AUTS2: variants seen among roughly 807,000 people sequenced by gnomAD.
AUTS2 encodes autism susceptibility gene 2 protein.
AUTS2 carries 17 observed loss-of-function variants against 112.4 expected under a neutral mutation model. The observed-to-expected ratio is 0.15, with a 90% CI of 0.10 to 0.23. AUTS2 has a LOEUF of 0.23. Among genes scored for constraint, AUTS2 ranks in the 10% least tolerant of loss-of-function variants. The probability of loss-of-function intolerance (pLI) is 1.00; values close to 1 mark genes in which losing one functional copy is unlikely to be tolerated. For missense variants in AUTS2, 1,510 were observed against 1,701.6 expected (o/e 0.89, Z 1.98); for synonymous variants, 751 against 702.7 (o/e 1.07, Z -1.09).
At chr7:70,273,801 A>G (rs577370249) in intron 4 of AUTS2, among the ~76,000 whole-genome samples, 1 of 152,190 alleles carries the variant, frequency 6.6e-6, no homozygotes, top group Non-Finnish European at 1.5e-5. Context: ...TTAAATCTGC[A>G]TTTGGTTGAA....
chr7:69,942,822 G>A (rs1796677362), intron 2 of AUTS2, among the ~76,000 whole-genome samples: 1 of 152,218 alleles, frequency 6.6e-6, no homozygotes, highest in South Asian at 2.1e-4. Context: ...TCAGTCAGCT[G>A]GAGCTGTGAA....
intron 18 of AUTS2, 32 bp from the exon 19 acceptor site, chr7:70,789,716 T>C (rs1791751351): frequency 1.9e-6 from 3 of 1,592,860 alleles, no homozygotes; most frequent in South Asian, 2.3e-5. Flanking sequence ...TTTCATTTCA[T>C]CTGCGTCCTT....
At chr7:69,969,494 C>T (rs959799932) in intron 2 of AUTS2, among the ~76,000 whole-genome samples, 1 of 152,140 alleles carries the variant, frequency 6.6e-6, no homozygotes, top group African/African-American at 2.4e-5. Context: ...TTATGGTGCT[C>T]AAGATCTCAG....
At chr7:70,280,479 G>A (rs1263412438) in intron 4 of AUTS2, among the ~76,000 whole-genome samples, 5 of 135,238 alleles carry the variant, frequency 3.7e-5, no homozygotes, top group Non-Finnish European at 7.9e-5. Context: ...TGTATTTTTA[G>A]CAGAGACAGG....
At chr7:70,618,304 C>G (rs1205883708) in intron 5 of AUTS2, among the ~76,000 whole-genome samples, 1 of 152,122 alleles carries the variant, frequency 6.6e-6, no homozygotes, top group African/African-American at 2.4e-5. Flanking sequence ...GAGGCCGGAC[C>G]CTCTCAGCTC....
intron 2 of AUTS2, among the ~76,000 whole-genome samples, chr7:69,993,893 G>C (rs988324864): frequency 2.6e-5 from 4 of 152,156 alleles, no homozygotes; most frequent in Non-Finnish European, 5.9e-5. Context: ...CCCTGGCAGA[G>C]TAAAAAGATA....
At chr7:70,773,488 A>G (rs1205115833) in intron 11 of AUTS2, among the ~76,000 whole-genome samples, 1 of 152,222 alleles carries the variant, frequency 6.6e-6, no homozygotes, top group South Asian at 2.1e-4. Flanking sequence ...AGGTCCCTAA[A>G]TTAGGTTCTC....
At chr7:70,439,494 G>A (rs1044584519) in intron 5 of AUTS2, among the ~76,000 whole-genome samples, 7 of 141,692 alleles carry the variant, frequency 4.9e-5, no homozygotes, top group African/African-American at 1.3e-4. Flanking sequence ...AGCCGAGATC[G>A]CACCATTGCA....
intron 6 of AUTS2, chr7:70,699,401 A>T (rs1415570200): frequency 1.3e-5 from 2 of 152,178 alleles, no homozygotes; most frequent in East Asian, 3.9e-4. Flanking sequence ...GCTTTCTGTG[A>T]TAATCTCTTT....
At chr7:69,703,118 G>T (rs1797892578) in intron 1 of AUTS2, among the ~76,000 whole-genome samples, 1 of 151,754 alleles carries the variant, frequency 6.6e-6, no homozygotes, top group Admixed American at 6.6e-5. Flanking sequence ...GAGGCACAGA[G>T]AATGCCTGTG....
chr7:70,726,412 A>G (rs1563154999), intron 6 of AUTS2, among the ~76,000 whole-genome samples: 1 of 152,342 alleles, frequency 6.6e-6, no homozygotes, highest in East Asian at 1.9e-4. Context: ...CTGTATGGAA[A>G]TATACTAAAC....
rs550312750 is a variant in AUTS2 at position 69,740,768 on chromosome 7, C to T, written c.309+140806C>T. Among the ~76,000 whole-genome samples the T allele has an allele frequency of 7.2e-5, 11 of 152,084 alleles. No homozygotes were observed. In the South Asian group the frequency reaches 1.5e-3, roughly 20 times the overall value. ...AACCCCTGACCTTAGGTAATCTGCC[C>T]GCCTCGGCCTCCCAAGGTGCTGGGA... On this transcript the variant is annotated intron_variant, in intron 1 of 18. Coordinates refer to ENST00000342771, the MANE Select transcript of AUTS2 (RefSeq NM_015570.4).
At chr7:70,612,028 G>A (rs1804119243) in intron 5 of AUTS2, among the ~76,000 whole-genome samples, 1 of 152,134 alleles carries the variant, frequency 6.6e-6, no homozygotes, top group South Asian at 2.1e-4. Flanking sequence ...TGTGTATAAT[G>A]TATACACAAA....
chr7:69,989,848 C>T (rs140441904), intron 2 of AUTS2, among the ~76,000 whole-genome samples: 14 of 152,194 alleles, frequency 9.2e-5, no homozygotes, highest in African/African-American at 2.2e-4. Context: ...GTCAGATCAG[C>T]GGCGGCATTA....
chr7:69,629,538 A>G (rs983595050), intron 1 of AUTS2, among the ~76,000 whole-genome samples: 2 of 152,206 alleles, frequency 1.3e-5, no homozygotes, highest in Non-Finnish European at 2.9e-5. Flanking sequence ...TAAGGAAGAC[A>G]TTTTAATGAG....
At chr7:70,180,836 G>A (rs1345456922) in intron 4 of AUTS2, among the ~76,000 whole-genome samples, 1 of 151,872 alleles carries the variant, frequency 6.6e-6, no homozygotes, top group Non-Finnish European at 1.5e-5. Flanking sequence ...CTTTAAATAT[G>A]GCTAGGCTCC....
At chr7:70,073,278 A>AG (rs1387269321) in intron 2 of AUTS2, among the ~76,000 whole-genome samples, 2 of 151,780 alleles carry the variant, frequency 1.3e-5, no homozygotes, top group Non-Finnish European at 2.9e-5. Flanking sequence ...TGGGAAGCCG[A>AG]GGTGGGCAGA....
intron 4 of AUTS2, among the ~76,000 whole-genome samples, chr7:70,371,027 A>C (rs1792813203): frequency 6.6e-6 from 1 of 152,130 alleles, no homozygotes; most frequent in Non-Finnish European, 1.5e-5. Flanking sequence ...GGAGGATTTC[A>C]AGCAGTTAAA....
chr7:70,278,306 C>A (rs1788036695), intron 4 of AUTS2, among the ~76,000 whole-genome samples: 1 of 152,116 alleles, frequency 6.6e-6, no homozygotes. Context: ...AGGCTTGGCA[C>A]AGTGGCTCAC....
Sources: gnomAD v4.1 joint callset for allele counts (sites outside exome capture counted in the v4.1 genomes callset) on GRCh38, gnomAD v4.1.1 for gene constraint, MANE v1.5 for transcripts, NCBI Gene and HGNC (gene_info 2026-07-23, HGNC 2026-07-21) for gene names.